Variants in LRFN5 observed in about 807,000 individuals in gnomAD.
LRFN5 encodes the protein leucine-rich repeat and fibronectin type-III domain-containing protein 5.
A neutral mutation model predicts 45.6 loss-of-function variants in LRFN5; 24 were observed. The ratio of observed to expected loss-of-function variants is 0.53; its 90% CI spans 0.38 to 0.74. LRFN5 has a LOEUF of 0.74. Ranked by LOEUF, LRFN5 falls within the 30% of genes least tolerant of loss-of-function variation. The pLI, the probability that LRFN5 is intolerant of heterozygous loss-of-function variation, is 0.00. For missense variants in LRFN5, 776 were observed against 861.5 expected, an observed-to-expected ratio of 0.90 and a Z score of 1.24; for synonymous variants, 340 against 313.8, an observed-to-expected ratio of 1.08 and a Z score of -0.88.
intron 2 of LRFN5, among the ~76,000 whole-genome samples, chr14:41,868,047 T>C (rs950585987): frequency 3.3e-5 from 5 of 152,078 alleles, no homozygotes; most frequent in Admixed American, 2.0e-4. Context: ...CATATGTATG[T>C]TTTTGTTTTT....
At chr14:41,613,236 CTCT>C (rs1441804351) in intron 1 of LRFN5, among the ~76,000 whole-genome samples, 1 of 151,992 alleles carries the variant, frequency 6.6e-6, no homozygotes, top group East Asian at 1.9e-4. Flanking sequence ...ACAAGTTTTG[CTCT>C]TCTTAGAAAA....
At chr14:41,769,080 G>GAA (rs1324175478) in intron 2 of LRFN5, among the ~76,000 whole-genome samples, 2 of 137,002 alleles carry the variant, frequency 1.5e-5, no homozygotes, top group Non-Finnish European at 1.6e-5. Flanking sequence ...TAATCACTCT[G>GAA]AAAAAAAAAA....
intron 2 of LRFN5, among the ~76,000 whole-genome samples, chr14:41,775,558 A>C (rs1886259565): frequency 6.6e-6 from 1 of 152,206 alleles, no homozygotes; most frequent in Admixed American, 6.5e-5. Context: ...TGGAAAACAA[A>C]TAACCTTTTC....
intron 2 of LRFN5, among the ~76,000 whole-genome samples, chr14:41,792,033 A>C (rs770306592): frequency 2.0e-5 from 3 of 152,054 alleles, no homozygotes; most frequent in African/African-American, 7.2e-5. Context: ...TCTATTTTCC[A>C]TAAGTGTTGG....
At chr14:41,636,959 A>G (rs563557209) in intron 1 of LRFN5, among the ~76,000 whole-genome samples, 2 of 152,302 alleles carry the variant, frequency 1.3e-5, no homozygotes, top group African/African-American at 4.8e-5. Context: ...CTGAGTAAAT[A>G]TTTGAAGGAC....
At chr14:41,695,525 A>G (rs1370027028) in intron 1 of LRFN5, among the ~76,000 whole-genome samples, 1 of 152,020 alleles carries the variant, frequency 6.6e-6, no homozygotes, top group African/African-American at 2.4e-5. Flanking sequence ...TCTTATTGAG[A>G]GCTAATGCAG....
chr14:41,812,057 G>T (rs187050234), intron 2 of LRFN5, among the ~76,000 whole-genome samples: 38 of 152,040 alleles, frequency 2.5e-4, no homozygotes, highest in African/African-American at 9.2e-4. Context: ...AAGTTATTCT[G>T]GTGAATATGG....
chr14:41,856,675 A>ATTATTATTTTT lies in LRFN5; in HGVS notation c.-20-29929_-20-29928insATTATTTTTTT. 0.034 allele frequency among the ~76,000 whole-genome samples: 633 copies of ATTATTATTTTT among 18,354 alleles called. 161 individuals are homozygous for ATTATTATTTTT. In the East Asian group the frequency reaches 0.5, roughly 15 times the overall value. 12.0% of individuals were successfully genotyped at this position (18,354 alleles called of 152,430 possible). A position where few individuals can be genotyped will look rare whatever the true frequency, so the allele number is the denominator to read the frequency against. On this transcript the variant is annotated intron_variant, in intron 2 of 5. Coordinates refer to ENST00000298119, the MANE Select transcript of LRFN5 (RefSeq NM_152447.5). The stretch of plus-strand genomic sequence containing the variant: ...TTCTTTCCTAATTATTATTATTATT[A>ATTATTATTTTT]TTTTTTTTTTTTTTTTTTTGAGACG...
chr14:41,738,971 C>T (rs145858186), intron 1 of LRFN5, among the ~76,000 whole-genome samples: 1,819 of 152,198 alleles, frequency 0.012, 29 homozygotes, highest in African/African-American at 0.042. Context: ...CAAGTATGCA[C>T]GGAACATTCT....
intron 1 of LRFN5, among the ~76,000 whole-genome samples, chr14:41,668,238 C>A (rs1254793843): frequency 1.3e-5 from 2 of 152,112 alleles, no homozygotes; most frequent in Non-Finnish European, 2.9e-5. Flanking sequence ...TTTCACTTAA[C>A]TCTTCACATT....
At chr14:41,745,235 C>T (rs1471154654) in intron 1 of LRFN5, among the ~76,000 whole-genome samples, 1 of 151,750 alleles carries the variant, frequency 6.6e-6, no homozygotes, top group Non-Finnish European at 1.5e-5. Flanking sequence ...CTGAAAATAC[C>T]GCAAATTTGT....
intron 1 of LRFN5, among the ~76,000 whole-genome samples, chr14:41,729,679 C>T (rs1248640175): frequency 6.6e-6 from 1 of 151,878 alleles, no homozygotes; most frequent in African/African-American, 2.4e-5. Flanking sequence ...TATCTTAATT[C>T]TTGTACACAT....
At chr14:41,863,838 C>G (rs1019162044) in intron 2 of LRFN5, among the ~76,000 whole-genome samples, 19 of 152,070 alleles carry the variant, frequency 1.2e-4, no homozygotes, top group Non-Finnish European at 2.2e-4. Context: ...CCCCTAGCCC[C>G]CAACCCCCAA....
In LRFN5 at chr14:41,891,382, C is replaced by T; in HGVS notation, c.1518C>T (p.Ile506=). The T allele has an allele frequency of 6.2e-7, 1 of 1,614,074 alleles. No individual in the cohort carries two copies. Among genetic ancestry groups the T allele is most frequent in the Non-Finnish European group, 8.5e-7 (1 of 1,180,024 alleles). The change falls in exon 4 of 6, where the codon ATC becomes ATT. Residue 506 remains isoleucine (I), a synonymous_variant. Coordinates refer to ENST00000298119, the MANE Select transcript of LRFN5 (RefSeq NM_152447.5). ...SLTATRVVGC[I]QFTTEQDYVR... Reference sequence around the variant, plus strand: ...CTGCCACAAGAGTCGTGGGTTGCATCCAGTTTACTACGGAACAGGATTATG... The same window carrying T: ...CTGCCACAAGAGTCGTGGGTTGCATTCAGTTTACTACGGAACAGGATTATG...
chr14:41,793,515 A>T (rs1887009502), intron 2 of LRFN5, among the ~76,000 whole-genome samples: 1 of 152,036 alleles, frequency 6.6e-6, no homozygotes, highest in Admixed American at 6.6e-5. Flanking sequence ...GTTGTCTCTA[A>T]TGCTTAAATA....
At position 41,727,668 on chromosome 14, in the gene LRFN5, A is replaced by G. The variant is rs1027781075; in HGVS notation, c.-196-39186A>G. ...ATTTTTAAAATAAAATAAATAGTCA[A>G]CATCATCAAGCAGCATGTATAATAC... On this transcript the variant is annotated intron_variant, in intron 1 of 5. Transcript: ENST00000298119. Among the ~76,000 whole-genome samples the G allele has an allele frequency of 3.9e-5, 6 of 152,210 alleles. No homozygotes were observed. The East Asian group carries it at 7.7e-4, about 20-fold the overall frequency.
At position 41,833,167 on chromosome 14, in the gene LRFN5, A is replaced by G. The variant is rs115529602; in HGVS notation, c.-20-53439A>G. ...GTAGAAATTTATCCTGATAAGCTCA[A>G]TCACAACTGGATTACAACCATTATG... On this transcript the variant is annotated intron_variant, in intron 2 of 5. Transcript: ENST00000298119. Among the ~76,000 whole-genome samples, 1,071 of 152,280 alleles carry G rather than the reference A, an allele frequency of 7.0e-3. 12 individuals carry two copies. The highest frequency in any genetic ancestry group is 0.025 in the African/African-American group (1,023 of 41,558).
intron 2 of LRFN5, among the ~76,000 whole-genome samples, chr14:41,871,380 G>C (rs905071119): frequency 6.6e-6 from 1 of 152,114 alleles, no homozygotes; most frequent in Non-Finnish European, 1.5e-5. Context: ...CTGAGGTCAG[G>C]AGTTCAAGAC....
chr14:41,745,723 C>T (rs190431562), intron 1 of LRFN5, among the ~76,000 whole-genome samples: 43 of 151,988 alleles, frequency 2.8e-4, no homozygotes, highest in Admixed American at 2.5e-3. Context: ...AAAAGGATTA[C>T]GAAATTATCC....
Sources: allele counts gnomAD v4.1 joint callset (sites outside exome capture counted in the v4.1 genomes callset), GRCh38; gene constraint gnomAD v4.1.1; transcripts MANE v1.5; gene names NCBI Gene and HGNC (gene_info 2026-07-23, HGNC 2026-07-21).